SART3: variants seen among roughly 807,000 people sequenced by gnomAD.
The protein encoded by SART3 is spliceosome associated factor 3, U4/U6 recycling protein, also known as HIV-1 Tat-interacting protein of 110kDa.
In SART3, 44 loss-of-function variants were observed where a neutral mutation model predicts 122.3. That is an observed-to-expected ratio of 0.36 (90% CI 0.28 to 0.46). The LOEUF (loss-of-function observed/expected upper bound fraction) is 0.46, where lower values mean the gene tolerates loss of function less well. SART3 is among the 20% of genes least tolerant of loss of function. The pLI, the probability that SART3 is intolerant of heterozygous loss-of-function variation, is 1.00. For missense variants in SART3, 1,101 were observed against 1,229.0 expected (o/e 0.90, Z 1.56); for synonymous variants, 442 against 454.0 (o/e 0.97, Z 0.34).
chr12:108,526,657 A>G (rs1428614719), intron 15 of SART3, 104 bp from the exon 16 acceptor site: 3 of 1,225,842 alleles, frequency 2.4e-6, no homozygotes, highest in Non-Finnish European at 3.5e-6. Flanking sequence ...TGCATGTGAC[A>G]CTTACTCCCT....
chr12:108,543,174 C>A (rs1873245334), intron 5 of SART3, 22 bp from the exon 6 acceptor site: 1 of 1,613,378 alleles, frequency 6.2e-7, no homozygotes, highest in African/African-American at 1.3e-5. Flanking sequence ...TGGATTCAGC[C>A]CCGTGGGTCT....
At chr12:108,537,771 T>C in intron 8 of SART3, 176 bp from the exon 9 acceptor site, 2 of 675,942 alleles carry the variant, frequency 3.0e-6, no homozygotes, top group South Asian at 1.8e-5. Context: ...CTCTACAGAC[T>C]GTGTTCTAGA....
At chr12:108,535,022 G>GT (rs951609669) in intron 12 of SART3, among the ~76,000 whole-genome samples, 8 of 151,958 alleles carry the variant, frequency 5.3e-5, no homozygotes, top group Non-Finnish European at 1.2e-4. Flanking sequence ...AGTAATTTGA[G>GT]TTTTTTTTCT....
intron 11 of SART3, among the ~76,000 whole-genome samples, chr12:108,536,254 G>GT (rs747642782): frequency 6.6e-6 from 1 of 152,256 alleles, no homozygotes; most frequent in African/African-American, 2.4e-5. Flanking sequence ...AAGTAAACGA[G>GT]TGAATACCTA....
chr12:108,556,064 C>T (rs1161225195), intron 1 of SART3, among the ~76,000 whole-genome samples: 1 of 151,470 alleles, frequency 6.6e-6, no homozygotes, highest in Non-Finnish European at 1.5e-5. Flanking sequence ...ATGACTATGA[C>T]CCCCAGGTTG....
chr12:108,535,696 G>A, intron 11 of SART3: 2 of 552,816 alleles, frequency 3.6e-6, no homozygotes, highest in Non-Finnish European at 6.7e-6. Flanking sequence ...AGAACCGAGA[G>A]AGGGAGCGCA....
rs963213812 is a variant in SART3 at position 108,560,989 on chromosome 12, C to T, written c.166G>A (p.Asp56Asn). The T allele has an allele frequency of 3.7e-6, 6 of 1,614,084 alleles. No individual in the cohort carries two copies. In the East Asian group the frequency reaches 8.9e-5, roughly 24 times the overall value. ...TCGCTCACGCCTTCCTCCTGCTGATCCCACGCTGGCCCCATGGTCTTGTAT... is the reference window on the plus strand; with the variant it reads ...TCGCTCACGCCTTCCTCCTGCTGATTCCACGCTGGCCCCATGGTCTTGTAT... ...ATYKTMGPAWDQQEEGVSESD... is the reference protein window; with the variant it reads ...ATYKTMGPAWNQQEEGVSESD... Residue 56 changes from aspartate to asparagine, a missense_variant, in exon 1 of 19, where the codon GAT becomes AAT. By Grantham distance (23) the Asp-to-Asn change is conservative. Coordinates refer to ENST00000546815, the MANE Select transcript of SART3 (RefSeq NM_014706.4).
At chr12:108,542,796 T>C (rs1873227856) in intron 6 of SART3, 1 of 618,968 alleles carries the variant, frequency 1.6e-6, no homozygotes, top group South Asian at 1.5e-5. Context: ...GAGGAGGCAA[T>C]CGGAGAGGGG....
chr12:108,540,414 T>G (rs916850135), intron 6 of SART3, among the ~76,000 whole-genome samples: 1 of 152,144 alleles, frequency 6.6e-6, no homozygotes, highest in African/African-American at 2.4e-5. Context: ...TGCAGGGGAC[T>G]CTAAAGGTCA....
chr12:108,525,346 T>G, intron 17 of SART3, 111 bp downstream of exon 17: 1 of 1,144,040 alleles, frequency 8.7e-7, no homozygotes, highest in Admixed American at 1.9e-5. Flanking sequence ...CTTTTGTTTC[T>G]CAGCAGACAA....
Position 108,560,908 on chromosome 12 carries a change from A to G in SART3, c.247T>C (p.Tyr83His), listed in dbSNP as rs1257997883. 1 of 1,611,910 alleles carries G rather than the reference A, an allele frequency of 6.2e-7. No homozygotes were observed. Among genetic ancestry groups the G allele is most frequent in the Non-Finnish European group, 8.5e-7 (1 of 1,179,012 alleles). ...TCCTCTTCGTCATATTCCCACTCGT[A>G]CTCCCCGGGGGAGCTCTCCGCGGAG... ...ASSAESSPGE[Y>H]EWEYDEEEEK... The change falls in exon 1 of 19, where the codon TAC (tyrosine) becomes CAC (histidine). Residue 83 changes from tyrosine to histidine, a missense_variant. Transcript: ENST00000546815.
intron 1 of SART3, 106 bp from the exon 2 acceptor site, chr12:108,549,320 G>A (rs770068311): frequency 2.4e-5 from 30 of 1,276,122 alleles, no homozygotes; most frequent in South Asian, 6.2e-5. Flanking sequence ...CAAAATAAAC[G>A]TGCTATCTGA....
At chr12:108,544,126 A>C (rs1330741162) in intron 5 of SART3, among the ~76,000 whole-genome samples, 1 of 152,240 alleles carries the variant, frequency 6.6e-6, no homozygotes, top group Non-Finnish European at 1.5e-5. Context: ...GTCATTCACT[A>C]TTCCTTTCAG....
chr12:108,523,588 G>C lies in SART3; in HGVS notation c.2761C>G (p.Gln921Glu). 1 of 1,614,178 alleles carries C rather than the reference G, an allele frequency of 6.2e-7. No individual in the cohort carries two copies. The highest frequency in any genetic ancestry group is 8.5e-7 in the Non-Finnish European group (1 of 1,180,010). Residue 921 changes from glutamine (Q) to glutamate (E), a missense_variant, in exon 19 of 19, where the codon CAG becomes GAG. Coordinates refer to ENST00000546815, the MANE Select transcript of SART3 (RefSeq NM_014706.4). ...TQLSLLPRAL[Q>E]RPSAAAPQAE... ...TGAGGAGCTGCAGCACTTGGGCGCT[G>C]CAGGGCACGAGGCAGTAGAGACAGC...
intron 15 of SART3, among the ~76,000 whole-genome samples, chr12:108,528,256 G>A (rs1456863596): frequency 1.3e-5 from 2 of 151,972 alleles, no homozygotes; most frequent in African/African-American, 4.8e-5. Context: ...GCCAAGGCGG[G>A]AGGATCACTT....
At chr12:108,532,072 T>G in intron 13 of SART3, 150 bp downstream of exon 13, 1 of 682,170 alleles carries the variant, frequency 1.5e-6, no homozygotes, top group South Asian at 1.5e-5. Flanking sequence ...GGACTCATTT[T>G]CAGGACACTT....
At position 108,532,125 on chromosome 12, in the gene SART3, AAC is replaced by A. The variant is rs958303904; in HGVS notation, c.1669+95_1669+96del. ...GGGCACCACCTAAGGTGGCAGCATA[AAC>A]ACAGTCTGTCCCCAGACTGTAACCA... is the stretch of plus-strand genomic sequence containing the variant. On this transcript the variant is annotated intron_variant, in intron 13 of 18. Coordinates refer to ENST00000546815, the MANE Select transcript of SART3 (RefSeq NM_014706.4). 9.6e-6 allele frequency: 10 copies of A among 1,040,356 alleles called. No individual in the cohort carries two copies. In the African/African-American group the frequency reaches 1.1e-4, roughly 11 times the overall value. The allele number at this position is 1,040,356 out of a possible 1,614,324, so 64.4% of individuals were successfully genotyped here.
chr12:108,530,013 C>A, intron 15 of SART3, 129 bp downstream of exon 15: 1 of 1,090,774 alleles, frequency 9.2e-7, no homozygotes, highest in Non-Finnish European at 1.4e-6. Flanking sequence ...AGACATACAC[C>A]CTAACAGTGA....
At chr12:108,555,165 AC>A (rs956851211) in intron 1 of SART3, among the ~76,000 whole-genome samples, 2 of 152,350 alleles carry the variant, frequency 1.3e-5, no homozygotes, top group East Asian at 3.9e-4. Context: ...ACACTACTGA[AC>A]CATACACTTA....
Sources: gnomAD v4.1 joint callset for allele counts (sites outside exome capture counted in the v4.1 genomes callset) on GRCh38, gnomAD v4.1.1 for gene constraint, MANE v1.5 for transcripts, NCBI Gene and HGNC (gene_info 2026-07-23, HGNC 2026-07-21) for gene names.